CLYBL: variants seen among roughly 807,000 people sequenced by gnomAD.
CLYBL encodes the protein citramalyl-CoA lyase, mitochondrial.
A neutral mutation model predicts 38.9 loss-of-function variants in CLYBL; 31 were observed. The ratio of observed to expected loss-of-function variants is 0.80; its 90% confidence interval spans 0.60 to 1.08. CLYBL has a LOEUF of 1.08. Ranked by LOEUF, CLYBL falls within the 50% of genes least tolerant of loss-of-function variation. The probability of loss-of-function intolerance (pLI) is 0.00; values close to 1 mark genes in which losing one functional copy is unlikely to be tolerated. For missense variants in CLYBL, 434 were observed against 411.6 expected, an observed-to-expected ratio of 1.05 and a Z score of -0.47; for synonymous variants, 171 against 158.6, an observed-to-expected ratio of 1.08 and a Z score of -0.59.
In CLYBL at chr13:99,784,456, T is replaced by C. The variant is rs1016428315; in HGVS notation, c.249+11446T>C. ...GCTTCTGGAAAATTCTCTCTTTTTT[T>C]TTTTTTTTTTTTTTTTGAGATGGAC... On this transcript the variant is annotated intron_variant, in intron 2 of 8. Coordinates refer to ENST00000339105, the MANE Select transcript of CLYBL (RefSeq NM_206808.5). 1.7e-3 allele frequency among the ~76,000 whole-genome samples: 160 copies of C among 94,354 alleles called. 2 individuals are homozygous for C. Among genetic ancestry groups the C allele is most frequent in the Admixed American group, 4.0e-3 (33 of 8,306 alleles). The allele number at this position is 94,354 out of a possible 152,430, so 61.9% of individuals were successfully genotyped here.
At chr13:99,645,330 A>G (rs1231268126) in intron 1 of CLYBL, among the ~76,000 whole-genome samples, 1 of 152,098 alleles carries the variant, frequency 6.6e-6, no homozygotes, top group Non-Finnish European at 1.5e-5. Flanking sequence ...CCCCGTCTCT[A>G]CTAAAAAAAT....
intron 2 of CLYBL, among the ~76,000 whole-genome samples, chr13:99,844,409 A>G (rs2139136748): frequency 6.6e-6 from 1 of 152,352 alleles, no homozygotes; most frequent in Admixed American, 6.5e-5. Flanking sequence ...CTGTGTATAT[A>G]TTGACATCAT....
At chr13:99,768,067 G>A (rs867692802) in intron 1 of CLYBL, among the ~76,000 whole-genome samples, 2 of 151,894 alleles carry the variant, frequency 1.3e-5, no homozygotes, top group African/African-American at 2.4e-5. Context: ...CTAGAAATCA[G>A]ATTCTCCCCC....
At chr13:99,758,197 C>A (rs567514329) in intron 1 of CLYBL, among the ~76,000 whole-genome samples, 1 of 152,138 alleles carries the variant, frequency 6.6e-6, no homozygotes, top group African/African-American at 2.4e-5. Context: ...TATTGAATCC[C>A]GGGTTGGGAA....
chr13:99,719,528 C>T (rs542591241), intron 1 of CLYBL, among the ~76,000 whole-genome samples: 9 of 151,578 alleles, frequency 5.9e-5, no homozygotes, highest in South Asian at 2.1e-4. Flanking sequence ...TTTTTGGAGA[C>T]GGAGTTTTGC....
rs953562685 is a variant in CLYBL at position 99,776,893 on chromosome 13, T to A, written c.249+3883T>A. 3.9e-5 allele frequency among the ~76,000 whole-genome samples: 6 copies of A among 151,944 alleles called. No individual in the cohort carries two copies. In the South Asian group the frequency reaches 1.0e-3, roughly 26 times the overall value. On this transcript the variant is annotated intron_variant, in intron 2 of 8. Transcript: ENST00000339105. ...AGTTCATGCACGTTTTTTTTTTTCA[T>A]AGATAGAGTTTTGCTATTGTTGCCC...
intron 7 of CLYBL, among the ~76,000 whole-genome samples, chr13:99,877,430 T>A (rs758631523): frequency 9.9e-5 from 15 of 152,246 alleles, no homozygotes; most frequent in Non-Finnish European, 2.2e-4. Flanking sequence ...TTTCTTTACA[T>A]CTTTTTCTTT....
At chr13:99,807,315 C>T (rs2806300) in intron 2 of CLYBL, among the ~76,000 whole-genome samples, 92,029 of 152,032 alleles carry the variant, frequency 0.61, 28,699 homozygotes, top group African/African-American at 0.76. Context: ...GACTAAGCCA[C>T]GAAGGTCTGA....
At chr13:99,860,767 C>A (rs551569758) in intron 3 of CLYBL, among the ~76,000 whole-genome samples, 19 of 152,212 alleles carry the variant, frequency 1.2e-4, no homozygotes, top group African/African-American at 4.6e-4. Context: ...TTTTCCTCTC[C>A]GTTTGTATTT....
At chr13:99,621,899 T>C (rs4771338) in intron 1 of CLYBL, among the ~76,000 whole-genome samples, 62,167 of 152,050 alleles carry the variant, frequency 0.41, 13,345 homozygotes, top group East Asian at 0.76. Context: ...TGTTAACTTA[T>C]GCTTCTGCAG....
intron 1 of CLYBL, among the ~76,000 whole-genome samples, chr13:99,762,040 A>G (rs902823582): frequency 1.3e-5 from 2 of 151,688 alleles, no homozygotes; most frequent in African/African-American, 4.8e-5. Flanking sequence ...CAGTTGTTTG[A>G]GCTCCTTATA....
intron 1 of CLYBL, among the ~76,000 whole-genome samples, chr13:99,721,470 T>A (rs190854800): frequency 0.018 from 2,662 of 150,422 alleles, 69 homozygotes; most frequent in African/African-American, 0.061. Flanking sequence ...TTTCTTTTTT[T>A]AAATATATAT....
intron 7 of CLYBL, among the ~76,000 whole-genome samples, chr13:99,890,101 T>C (rs2052450373): frequency 6.6e-6 from 1 of 152,248 alleles, no homozygotes; most frequent in East Asian, 1.9e-4. Flanking sequence ...CTGAGCATGC[T>C]GCTTTCTGTC....
At chr13:99,617,179 C>T (rs945893756) in intron 1 of CLYBL, among the ~76,000 whole-genome samples, 17 of 152,044 alleles carry the variant, frequency 1.1e-4, no homozygotes, top group African/African-American at 3.1e-4. Context: ...GTGTAAAAGG[C>T]AGTACTTGCT....
intron 1 of CLYBL, among the ~76,000 whole-genome samples, chr13:99,622,698 A>G (rs895280190): frequency 6.6e-6 from 1 of 152,046 alleles, no homozygotes; most frequent in Non-Finnish European, 1.5e-5. Context: ...GCCATTCCCC[A>G]TTCCCTCCTC....
chr13:99,645,290 A>G (rs1473026632), intron 1 of CLYBL, among the ~76,000 whole-genome samples: 1 of 152,050 alleles, frequency 6.6e-6, no homozygotes, highest in Non-Finnish European at 1.5e-5. Flanking sequence ...AGGTCAGGAG[A>G]TCGAGACCAT....
intron 1 of CLYBL, among the ~76,000 whole-genome samples, chr13:99,739,984 A>C (rs532249311): frequency 4.8e-5 from 7 of 147,086 alleles, no homozygotes; most frequent in East Asian, 1.9e-4. Context: ...GGAAAAAAAA[A>C]CAAAAAAACA....
intron 1 of CLYBL, among the ~76,000 whole-genome samples, chr13:99,676,563 T>C (rs894530772): frequency 2.0e-5 from 3 of 151,546 alleles, no homozygotes; most frequent in Non-Finnish European, 4.4e-5. Context: ...GTGCTGGGAT[T>C]ACAGGCATGA....
Position 99,741,130 on chromosome 13 carries a change from TC to T in CLYBL, c.63-31692del, listed in dbSNP as rs138673768. ...AATGTTCTTTGTTAAAGTTTACACT[TC>T]CTTTCCCTAAAAGAAGTACTTACAG... On this transcript the variant is annotated intron_variant, in intron 1 of 8. Coordinates refer to ENST00000339105, the MANE Select transcript of CLYBL (RefSeq NM_206808.5). Among the ~76,000 whole-genome samples, 67 of 152,294 alleles carry T rather than the reference TC, an allele frequency of 4.4e-4. 1 individual carries two copies. In the East Asian group the frequency reaches 0.013, roughly 29 times the overall value.
Sources: allele counts gnomAD v4.1 joint callset (sites outside exome capture counted in the v4.1 genomes callset), GRCh38; gene constraint gnomAD v4.1.1; transcripts MANE v1.5; gene names NCBI Gene and HGNC (gene_info 2026-07-23, HGNC 2026-07-21).